IL34: variants seen among roughly 807,000 people sequenced by gnomAD.
IL34 encodes the protein interleukin-34.
A neutral mutation model predicts 25.3 loss-of-function variants in IL34; 17 were observed. The observed-to-expected ratio is 0.67, with a 90% CI of 0.46 to 1.01. IL34 has a LOEUF of 1.01. IL34 is among the 50% of genes least tolerant of loss of function. The pLI, the probability that IL34 is intolerant of heterozygous loss-of-function variation, is 0.00. For synonymous variants in IL34, 174 were observed against 140.9 expected, an observed-to-expected ratio of 1.23 and a Z score of -1.66; for missense variants, 368 against 312.9, an observed-to-expected ratio of 1.18 and a Z score of -1.33.
intron 2 of IL34, among the ~76,000 whole-genome samples, chr16:70,655,177 C>T (rs149988770): frequency 0.017 from 2,619 of 151,706 alleles, 28 homozygotes; most frequent in Middle Eastern, 0.038. Flanking sequence ...CTCAGCCTCC[C>T]GAGTAGCTGG....
chr16:70,640,711 T>C (rs57770619), intron 1 of IL34, among the ~76,000 whole-genome samples: 4,232 of 152,234 alleles, frequency 0.028, 197 homozygotes, highest in African/African-American at 0.095. Context: ...TGCAGTATAG[T>C]TGATGTATGG....
intron 1 of IL34, among the ~76,000 whole-genome samples, chr16:70,652,008 A>G (rs1041420267): frequency 6.6e-6 from 1 of 151,960 alleles, no homozygotes; most frequent in Non-Finnish European, 1.5e-5. Context: ...ACACCTTGTA[A>G]TCCCAGCTAC....
At chr16:70,654,283 G>C in intron 1 of IL34, 1 of 343,486 alleles carries the variant, frequency 2.9e-6, no homozygotes, top group Non-Finnish European at 5.3e-6. Flanking sequence ...ACCCTGAGGC[G>C]TGCCTCCTGG....
chr16:70,614,812 T>TC (rs1289063495), intron 1 of IL34, among the ~76,000 whole-genome samples: 1 of 152,242 alleles, frequency 6.6e-6, no homozygotes, highest in Non-Finnish European at 1.5e-5. Flanking sequence ...TCCTTGATTA[T>TC]AAATGACAGA....
rs533414951 is a variant in IL34, at chr16:70,619,203, G to A, written c.-400-27345G>A. Reference sequence around the variant, plus strand: ...CTTTAATCTTTTTAAAGCGTGCTGCGGGATGGGATATTGGCGTTGAGTGGG... The same window carrying A: ...CTTTAATCTTTTTAAAGCGTGCTGCAGGATGGGATATTGGCGTTGAGTGGG... On this transcript the variant is annotated intron_variant, in intron 1 of 6. Coordinates refer to the IL34 transcript ENST00000429149. Among the ~76,000 whole-genome samples the A allele has an allele frequency of 2.6e-5, 4 of 152,234 alleles. No homozygotes were observed. The East Asian group carries it at 5.8e-4, about 22-fold the overall frequency.
intron 1 of IL34, among the ~76,000 whole-genome samples, chr16:70,599,533 T>A (rs1477489370): frequency 4.4e-5 from 5 of 114,248 alleles, no homozygotes; most frequent in Non-Finnish European, 6.2e-5. Flanking sequence ...ATTTTTGTAT[T>A]TTTTTTTTTT....
At chr16:70,620,216 C>T (rs1487486065) in intron 1 of IL34, among the ~76,000 whole-genome samples, 1 of 151,996 alleles carries the variant, frequency 6.6e-6, no homozygotes, top group African/African-American at 2.4e-5. Context: ...GGGTCTAGGG[C>T]TGTAAAGCGT....
chr16:70,640,859 T>G (rs557665225), intron 1 of IL34, among the ~76,000 whole-genome samples: 1 of 152,128 alleles, frequency 6.6e-6, no homozygotes, highest in Non-Finnish European at 1.5e-5. Flanking sequence ...CCTTCCCCAC[T>G]CCCCATTTTG....
intron 1 of IL34, among the ~76,000 whole-genome samples, chr16:70,628,066 G>T (rs2051434974): frequency 6.6e-6 from 1 of 152,202 alleles, no homozygotes; most frequent in Non-Finnish European, 1.5e-5. Context: ...AGAAATGTCT[G>T]AGAATTCCAA....
intron 1 of IL34, among the ~76,000 whole-genome samples, chr16:70,591,385 C>T (rs1317962596): frequency 6.6e-6 from 1 of 152,014 alleles, no homozygotes; most frequent in Admixed American, 6.6e-5. Flanking sequence ...GAGGGTGACT[C>T]TGGCAGGGAC....
intron 1 of IL34, among the ~76,000 whole-genome samples, chr16:70,651,154 C>G (rs1424490970): frequency 6.6e-6 from 1 of 151,544 alleles, no homozygotes; most frequent in South Asian, 2.1e-4. Context: ...GGGGCTGATG[C>G]AGAAAGGGGA....
At chr16:70,612,431 C>A (rs1414906057) in intron 1 of IL34, among the ~76,000 whole-genome samples, 2 of 152,106 alleles carry the variant, frequency 1.3e-5, no homozygotes, top group Non-Finnish European at 2.9e-5. Context: ...GTGGTTCATC[C>A]AAGGCTGTGC....
chr16:70,640,584 A>G (rs1325204921), intron 1 of IL34, among the ~76,000 whole-genome samples: 1 of 150,722 alleles, frequency 6.6e-6, no homozygotes, highest in African/African-American at 2.5e-5. Context: ...AGATCTTGCC[A>G]CTGCACTCCA....
At chr16:70,651,777 A>G (rs1030849359) in intron 1 of IL34, among the ~76,000 whole-genome samples, 4 of 147,268 alleles carry the variant, frequency 2.7e-5, no homozygotes, top group African/African-American at 1.0e-4. Flanking sequence ...AAAAAAAAAA[A>G]GAGGATGGTT....
At chr16:70,617,317 C>T (rs1024971073) in intron 1 of IL34, among the ~76,000 whole-genome samples, 80 of 152,170 alleles carry the variant, frequency 5.3e-4, no homozygotes, top group Non-Finnish European at 1.8e-4. Context: ...TATTTATTTA[C>T]TTCAAGAGTT....
chr16:70,629,206 G>A (rs1326975095), intron 1 of IL34, among the ~76,000 whole-genome samples: 1 of 152,164 alleles, frequency 6.6e-6, no homozygotes, highest in Non-Finnish European at 1.5e-5. Context: ...GTTTGCTGAT[G>A]TAATTGCATT....
chr16:70,632,620 G>A (rs565450227), intron 1 of IL34, among the ~76,000 whole-genome samples: 1 of 152,280 alleles, frequency 6.6e-6, no homozygotes, highest in African/African-American at 2.4e-5. Flanking sequence ...CATCTGCAAA[G>A]TGGGTCTCTG....
intron 1 of IL34, among the ~76,000 whole-genome samples, chr16:70,632,118 A>AAGAG (rs1555504796): frequency 5.0e-4 from 76 of 150,644 alleles, no homozygotes; most frequent in African/African-American, 1.7e-3. Flanking sequence ...AAAAAAAAAA[A>AAGAG]AGAGAAGATA....
At chr16:70,659,894 G>T in intron 5 of IL34, 103 bp from the exon 6 acceptor site, 2 of 1,472,332 alleles carry the variant, frequency 1.4e-6, no homozygotes, top group African/African-American at 1.4e-5. Flanking sequence ...AGCCAGGATG[G>T]GCCCTGGGTA....
Sources: gnomAD v4.1 joint callset for allele counts (sites outside exome capture counted in the v4.1 genomes callset) on GRCh38, gnomAD v4.1.1 for gene constraint, MANE v1.5 for transcripts, NCBI Gene and HGNC (gene_info 2026-07-23, HGNC 2026-07-21) for gene names.